DGKG: variants seen among roughly 807,000 people sequenced by gnomAD.
DGKG encodes diacylglycerol kinase gamma.
Under a neutral mutation model 105.3 loss-of-function variants are expected in DGKG, and 78 were observed. That is an observed-to-expected ratio of 0.74 (90% confidence interval 0.62 to 0.89). The LOEUF (loss-of-function observed/expected upper bound fraction) is 0.89. Ranked by LOEUF, DGKG falls within the 40% of genes least tolerant of loss-of-function variation. The pLI, the probability that DGKG is intolerant of heterozygous loss-of-function variation, is 0.00. For missense variants in DGKG, 958 were observed against 1,020.1 expected (o/e 0.94, Z 0.83); for synonymous variants, 346 against 367.1 (o/e 0.94, Z 0.66).
Position 186,313,114 on chromosome 3 carries a change from T to A in DGKG, c.68-6137A>T, listed in dbSNP as rs79596841. On this transcript the variant is annotated intron_variant, in intron 2 of 24. Transcript: ENST00000265022. ...AAAGGTAGACTAGTGGTTATCAACC[T>A]TGGCTGCTTATTGAAATCACTTGCA... 5.8e-3 allele frequency among the ~76,000 whole-genome samples: 889 copies of A among 152,376 alleles called. 17 individuals carry two copies. The highest frequency in any genetic ancestry group is 0.021 in the African/African-American group (859 of 41,588).
chr3:186,160,480 C>A (rs1716241024), intron 24 of DGKG: 1 of 985,384 alleles, frequency 1.0e-6, no homozygotes, highest in Non-Finnish European at 1.2e-6. Flanking sequence ...AGTGTGTTTT[C>A]ATTTTTTTCT....
chr3:186,327,270 A>G (rs1466512739), intron 1 of DGKG, among the ~76,000 whole-genome samples: 4 of 152,080 alleles, frequency 2.6e-5, no homozygotes, highest in Non-Finnish European at 4.4e-5. Context: ...CCCTTATAGT[A>G]TCTAGTTTAT....
chr3:186,174,791 G>A (rs1716997037), intron 22 of DGKG, among the ~76,000 whole-genome samples: 1 of 152,022 alleles, frequency 6.6e-6, no homozygotes, highest in Non-Finnish European at 1.5e-5. Flanking sequence ...TAAGGCATGG[G>A]TTGGATACTC....
At chr3:186,218,929 G>A (rs1719433939) in intron 20 of DGKG, among the ~76,000 whole-genome samples, 1 of 152,122 alleles carries the variant, frequency 6.6e-6, no homozygotes, top group African/African-American at 2.4e-5. Context: ...TACCACTACT[G>A]AAGATAATAG....
chr3:186,307,244 C>T (rs187653560), intron 2 of DGKG, among the ~76,000 whole-genome samples: 72 of 152,332 alleles, frequency 4.7e-4, no homozygotes, highest in Admixed American at 1.4e-3. Context: ...TCTGTTCCCC[C>T]AGGATAAAGC....
intron 1 of DGKG, among the ~76,000 whole-genome samples, chr3:186,331,479 G>A (rs1300534243): frequency 6.6e-6 from 1 of 152,232 alleles, no homozygotes; most frequent in African/African-American, 2.4e-5. Context: ...TCTTGGGATT[G>A]CATTCTATCC....
chr3:186,350,507 T>G (rs954046829), intron 1 of DGKG, among the ~76,000 whole-genome samples: 2 of 152,256 alleles, frequency 1.3e-5, no homozygotes, highest in Admixed American at 1.3e-4. Context: ...ACATTTGGGT[T>G]GCTTTTATCT....
intron 10 of DGKG, among the ~76,000 whole-genome samples, chr3:186,274,136 G>A (rs1199693578): frequency 1.3e-5 from 2 of 152,174 alleles, no homozygotes; most frequent in Non-Finnish European, 2.9e-5. Flanking sequence ...TGAAACAACT[G>A]TAGAGTTTTA....
At chr3:186,178,159 G>C (rs1229377255) in intron 22 of DGKG, among the ~76,000 whole-genome samples, 1 of 152,204 alleles carries the variant, frequency 6.6e-6, no homozygotes, top group African/African-American at 2.4e-5. Flanking sequence ...CCAGAACTGT[G>C]AGAGATCGAT....
intron 20 of DGKG, among the ~76,000 whole-genome samples, chr3:186,233,165 G>A (rs1185400125): frequency 1.3e-5 from 2 of 152,156 alleles, no homozygotes; most frequent in African/African-American, 2.4e-5. Context: ...TTGACCTTGA[G>A]ATGGGGAGAG....
chr3:186,284,571 A>G lies in DGKG; in HGVS notation c.594+89T>C. On this transcript the variant is annotated intron_variant, in intron 7 of 24. Coordinates refer to ENST00000265022, the MANE Select transcript of DGKG (RefSeq NM_001346.3). This position sits in a 1 kb window ranked among gnomAD's most constrained non-coding sequence, Gnocchi z 4.0. The stretch of plus-strand genomic sequence containing the variant: ...ACATTGCTATTACTACAAAGACGGA[A>G]CTGAACATTTTCAGATTCTTCCTCT... 1 of 1,157,972 alleles carries G rather than the reference A, an allele frequency of 8.6e-7. No homozygotes were observed. The allele number at this position is 1,157,972 out of a possible 1,614,324, so 71.7% of individuals were successfully genotyped here.
At chr3:186,303,660 TCA>T (rs1194285879) in intron 3 of DGKG, among the ~76,000 whole-genome samples, 1 of 152,190 alleles carries the variant, frequency 6.6e-6, no homozygotes, top group East Asian at 1.9e-4. Context: ...GGGTCCAGGC[TCA>T]CAGTGCCACC....
chr3:186,175,730 G>A (rs766306449), intron 22 of DGKG, among the ~76,000 whole-genome samples: 9 of 152,186 alleles, frequency 5.9e-5, no homozygotes, highest in Non-Finnish European at 1.2e-4. Context: ...ACAGAAGCAA[G>A]AATCGACACA....
In DGKG at chr3:186,210,269, C is replaced by A. The variant is rs1408198342; in HGVS notation, c.1917+1526G>T. ...CTCACTTGTGGTATATTTAAAGAGA[C>A]CTCACCAGACGGCTGTGCCAAGGGG... On this transcript the variant is annotated intron_variant, in intron 21 of 24. Transcript: ENST00000265022. This position sits in a 1 kb window ranked among gnomAD's most constrained non-coding sequence, Gnocchi z 5.2. Among the ~76,000 whole-genome samples, 1 of 152,222 alleles carries A rather than the reference C, an allele frequency of 6.6e-6. No homozygotes were observed. The highest frequency in any genetic ancestry group is 1.5e-5 in the Non-Finnish European group (1 of 68,046).
At chr3:186,184,711 T>A (rs1560085015) in intron 22 of DGKG, among the ~76,000 whole-genome samples, 1 of 152,052 alleles carries the variant, frequency 6.6e-6, no homozygotes, top group Non-Finnish European at 1.5e-5. Context: ...GATGAGAGAT[T>A]TGAGAGCAAC....
intron 18 of DGKG, 137 bp downstream of exon 18, chr3:186,252,956 C>G: frequency 1.4e-6 from 1 of 710,798 alleles, no homozygotes; most frequent in South Asian, 1.7e-5. Flanking sequence ...GGGTCATGGA[C>G]TTGACATGAC....
chr3:186,149,933 G>A lies in DGKG; in HGVS notation c.*157C>T, dbSNP rs1416441284. 30 of 1,423,922 alleles carry A rather than the reference G, an allele frequency of 2.1e-5. No homozygotes were observed. The highest frequency in any genetic ancestry group is 1.0e-4 in the East Asian group (4 of 38,350). 88.2% of individuals were successfully genotyped at this position (1,423,922 alleles called of 1,614,324 possible). ...GAAACAGAATGTATGGCAAGGTGAC[G>A]TTTTCTTCCCGAAGGGTGGCTTTGC... On this transcript the variant is annotated 3_prime_UTR_variant, in exon 25 of 25. Transcript: ENST00000265022.
At chr3:186,223,146 C>A (rs1021460832) in intron 20 of DGKG, among the ~76,000 whole-genome samples, 1 of 150,768 alleles carries the variant, frequency 6.6e-6, no homozygotes, top group Non-Finnish European at 1.5e-5. Flanking sequence ...GGGAGCACAT[C>A]TTTTCCGCTG....
In DGKG at chr3:186,188,310, T is replaced by C. The variant is rs139876309; in HGVS notation, c.1987A>G (p.Met663Val). 3.6e-4 allele frequency: 573 copies of C among 1,614,038 alleles called. 5 individuals carry two copies. Among genetic ancestry groups the C allele is most frequent in the Middle Eastern group, 1.5e-3 (9 of 6,084 alleles). Residue 663 changes from methionine (M) to valine (V), a missense_variant, in exon 22 of 25, where the codon ATG becomes GTG. Met to Val is a conservative substitution (Grantham distance 21). This residue lies in a region of DGKG where 315 missense variants were observed against 400.6 expected (regional missense o/e 0.79). Coordinates refer to ENST00000265022, the MANE Select transcript of DGKG (RefSeq NM_001346.3). ...CCCCAGAGATTGGTGCCTCCGTACA[T>C]GCTGGGAATGTTGAGAATGGCAATG... Reference protein sequence around the residue: ...EGIAILNIPSMYGGTNLWGEN... With the variant: ...EGIAILNIPSVYGGTNLWGEN...
Sources: allele counts gnomAD v4.1 joint callset (sites outside exome capture counted in the v4.1 genomes callset), GRCh38; gene constraint gnomAD v4.1.1; regional missense constraint gnomAD v4.1.1; non-coding constraint Gnocchi (gnomAD v3.1); transcripts MANE v1.5; gene names NCBI Gene and HGNC (gene_info 2026-07-23, HGNC 2026-07-21).